Variants in ZNF184 observed in about 807,000 individuals in gnomAD.
The protein encoded by ZNF184 is zinc finger protein 184, also known as zinc finger protein 184 (Kruppel-like).
A neutral mutation model predicts 54.4 loss-of-function variants in ZNF184; 16 were observed. The observed-to-expected ratio is 0.29, with a 90% confidence interval of 0.20 to 0.45. ZNF184 has a LOEUF of 0.45. Among genes scored for constraint, ZNF184 ranks in the 20% least tolerant of loss-of-function variants. The pLI, the probability that ZNF184 is intolerant of heterozygous loss-of-function variation, is 1.00. For synonymous variants in ZNF184, 254 were observed against 295.3 expected, an observed-to-expected ratio of 0.86 and a Z score of 1.43; for missense variants, 681 against 888.2, an observed-to-expected ratio of 0.77 and a Z score of 2.97.
At chr6:27,450,317 T>C (rs1414299826), downstream of ZNF184, among the ~76,000 whole-genome samples, 7 of 152,158 alleles carry the variant, frequency 4.6e-5, no homozygotes, top group Admixed American at 4.6e-4. Flanking sequence ...TCTCCAAATT[T>C]CTATGTTGAA....
In ZNF184 at chr6:27,456,869, C is replaced by T. The variant is rs1762868695; in HGVS notation, c.255G>A (p.Glu85=). The T allele has an allele frequency of 1.2e-6, 2 of 1,614,012 alleles. No individual in the cohort carries two copies. The highest frequency in any genetic ancestry group is 2.2e-5 in the South Asian group (2 of 91,090). The change falls in exon 5 of 6, where the codon GAG becomes GAA. Residue 85 remains glutamate (E), a synonymous_variant. Transcript: ENST00000683788. ...GAATGCTTGGCTCCATGATCCATGG[C>T]TCTGTCCCTTGCTCTAACTGGGAAA... The part of the protein sequence containing the change: ...DVISQLEQGT[E]PWIMEPSIPV...
intron 2 of ZNF184, among the ~76,000 whole-genome samples, chr6:27,470,528 T>C (rs1337925579): frequency 1.3e-5 from 2 of 152,162 alleles, no homozygotes; most frequent in Non-Finnish European, 2.9e-5. Context: ...AGAAAAACTG[T>C]TTTGTAACAG....
chr6:27,462,533 C>T (rs74999178), intron 3 of ZNF184, among the ~76,000 whole-genome samples: 1,694 of 149,468 alleles, frequency 0.011, 36 homozygotes, highest in African/African-American at 0.04. Flanking sequence ...ATATTCAGAA[C>T]CCAATAAGGT....
At chr6:27,425,860 A>G in the ZNF184 span, among the ~76,000 whole-genome samples, 1 of 152,188 alleles carries the variant, frequency 6.6e-6, no homozygotes, top group Non-Finnish European at 1.5e-5. Flanking sequence ...CACCGTTTCT[A>G]TCTTCGGGCT....
At chr6:27,448,241 C>G (rs1056770290), downstream of ZNF184, among the ~76,000 whole-genome samples, 1 of 152,184 alleles carries the variant, frequency 6.6e-6, no homozygotes, top group Non-Finnish European at 1.5e-5. Flanking sequence ...TAACTTCTCT[C>G]TCACTTTTAT....
intron 3 of ZNF184, among the ~76,000 whole-genome samples, chr6:27,459,502 A>AT (rs1762946260): frequency 6.6e-6 from 1 of 152,194 alleles, no homozygotes; most frequent in Admixed American, 6.5e-5. Context: ...TCCCCTAAAA[A>AT]TATAGTTAAA....
the ZNF184 span, among the ~76,000 whole-genome samples, chr6:27,428,938 C>G: frequency 1.3e-5 from 2 of 152,160 alleles, no homozygotes; most frequent in Non-Finnish European, 2.9e-5. This position sits in a 1 kb window ranked among gnomAD's most constrained non-coding sequence, Gnocchi z 4.1. Context: ...GGTGAGTGAG[C>G]AGGCTGTGTA....
chr6:27,468,957 A>G (rs1221435205), intron 2 of ZNF184, among the ~76,000 whole-genome samples: 1 of 152,194 alleles, frequency 6.6e-6, no homozygotes, highest in Non-Finnish European at 1.5e-5. Flanking sequence ...TTGAAAAGCT[A>G]TATATTGTAC....
intron 2 of ZNF184, among the ~76,000 whole-genome samples, chr6:27,471,566 C>A (rs1472358467): frequency 1.3e-5 from 2 of 152,098 alleles, no homozygotes; most frequent in East Asian, 3.9e-4. Flanking sequence ...GCTATGTTTA[C>A]CATTAGGCAC....
chr6:27,462,445 G>T (rs941451199), intron 3 of ZNF184, among the ~76,000 whole-genome samples: 1 of 151,216 alleles, frequency 6.6e-6, no homozygotes, highest in African/African-American at 2.4e-5. Flanking sequence ...TGATCCACCC[G>T]CCTTGGCCTC....
the ZNF184 span, among the ~76,000 whole-genome samples, chr6:27,423,294 T>C: frequency 1.4e-3 from 220 of 152,318 alleles, no homozygotes; most frequent in African/African-American, 5.0e-3. Context: ...GTCTCTGTAG[T>C]GGGTCTCGTT....
In ZNF184 at chr6:27,452,098, T is replaced by C. The variant is rs1762742705; in HGVS notation, c.1461A>G (p.Ser487=). 1 of 1,613,918 alleles carries C rather than the reference T, an allele frequency of 6.2e-7. No individual in the cohort carries two copies. Among genetic ancestry groups the C allele is most frequent in the Admixed American group, 1.7e-5 (1 of 59,998 alleles). Reference sequence around the variant, plus strand: ...GAATTCTCCGATGTTGAGTAAGGGATGAGCAGTAACTGAAGGCCTTTCCAC... The same window carrying C: ...GAATTCTCCGATGTTGAGTAAGGGACGAGCAGTAACTGAAGGCCTTTCCAC... ...NECGKAFSYC[S]SLTQHRRIHT... is the part of the protein sequence containing the mutation. Residue 487 remains serine, a synonymous_variant, in exon 6 of 6, where the codon TCA becomes TCG. Coordinates refer to ENST00000683788, the MANE Select transcript of ZNF184 (RefSeq NM_001318891.2). This position sits in a 1 kb window ranked among gnomAD's most constrained non-coding sequence, Gnocchi z 5.5.
chr6:27,422,236 G>A, the ZNF184 span, among the ~76,000 whole-genome samples: 35 of 143,750 alleles, frequency 2.4e-4, 2 homozygotes, highest in East Asian at 4.2e-4. Flanking sequence ...GAAATTCAGA[G>A]ACCACACTGG....
At chr6:27,470,582 AC>A (rs1315736556) in intron 2 of ZNF184, among the ~76,000 whole-genome samples, 1 of 152,224 alleles carries the variant, frequency 6.6e-6, no homozygotes, top group African/African-American at 2.4e-5. Flanking sequence ...GAAGCTCTTA[AC>A]AGTGAAAGAA....
At chr6:27,424,224 T>G in the ZNF184 span, among the ~76,000 whole-genome samples, 20 of 152,264 alleles carry the variant, frequency 1.3e-4, no homozygotes, top group South Asian at 3.9e-3. Context: ...CACGGTGAGG[T>G]CTCTGGTTTC....
chr6:27,449,957 A>G (rs569866542), downstream of ZNF184, among the ~76,000 whole-genome samples: 7 of 152,214 alleles, frequency 4.6e-5, no homozygotes, highest in African/African-American at 9.6e-5. Flanking sequence ...AATGGTAAAT[A>G]TGTGACTTAG....
At chr6:27,433,972 CCCTT>C in the ZNF184 span, among the ~76,000 whole-genome samples, 237 of 35,644 alleles carry the variant, frequency 6.6e-3, 4 homozygotes, top group East Asian at 0.027. Flanking sequence ...TCCTCTCCCT[CCCTT>C]CCTTCCTTCC....
At chr6:27,465,565 A>C (rs1017797891) in intron 3 of ZNF184, among the ~76,000 whole-genome samples, 10 of 151,734 alleles carry the variant, frequency 6.6e-5, no homozygotes, top group African/African-American at 2.4e-4. Flanking sequence ...TAAAGATACA[A>C]ATAAGTTAAA....
the ZNF184 span, among the ~76,000 whole-genome samples, chr6:27,421,719 G>A: frequency 1.3e-5 from 2 of 152,180 alleles, no homozygotes; most frequent in Non-Finnish European, 2.9e-5. Context: ...GATGGAGTTT[G>A]GTGATTGCGT....
Sources: gnomAD v4.1 joint callset for allele counts (sites outside exome capture counted in the v4.1 genomes callset) on GRCh38, gnomAD v4.1.1 for gene constraint, Gnocchi (gnomAD v3.1) non-coding constraint, MANE v1.5 for transcripts, NCBI Gene and HGNC (gene_info 2026-07-23, HGNC 2026-07-21) for gene names.